COMMD10: variants seen among roughly 807,000 people sequenced by gnomAD.
COMMD10 encodes the protein COMM domain containing 10.
COMMD10 carries 33 observed loss-of-function variants against 28.9 expected under a neutral mutation model. The observed-to-expected ratio is 1.14, with a 90% CI of 0.87 to 1.53. The LOEUF (loss-of-function observed/expected upper bound fraction) is 1.53. Among genes scored for constraint, COMMD10 ranks in the 40% most tolerant of loss-of-function variants. The pLI, the probability that COMMD10 is intolerant of heterozygous loss-of-function variation, is 0.00. For missense variants in COMMD10, 310 were observed against 233.4 expected (o/e 1.33, Z -2.14); for synonymous variants, 110 against 81.7 (o/e 1.35, Z -1.87).
chr5:116,234,352 T>C (rs762686657), intron 5 of COMMD10, among the ~76,000 whole-genome samples: 7 of 152,120 alleles, frequency 4.6e-5, no homozygotes, highest in African/African-American at 7.2e-5. Context: ...AGCTGCCTGT[T>C]TAAAAACAAA....
chr5:116,180,048 C>T (rs1197621221), intron 5 of COMMD10, among the ~76,000 whole-genome samples: 1 of 152,008 alleles, frequency 6.6e-6, no homozygotes, highest in Non-Finnish European at 1.5e-5. Context: ...GATTATTACT[C>T]AGTATTAAAG....
At chr5:116,195,884 A>G (rs889784263) in intron 5 of COMMD10, among the ~76,000 whole-genome samples, 1 of 152,216 alleles carries the variant, frequency 6.6e-6, no homozygotes, top group African/African-American at 2.4e-5. Context: ...CCACAATGCA[A>G]TACCACCTTA....
At chr5:116,122,040 G>T (rs1045864604) in intron 4 of COMMD10, among the ~76,000 whole-genome samples, 1 of 152,096 alleles carries the variant, frequency 6.6e-6, no homozygotes, top group Non-Finnish European at 1.5e-5. Flanking sequence ...TGGTGTTTTA[G>T]ACATGAAGTC....
intron 5 of COMMD10, among the ~76,000 whole-genome samples, chr5:116,249,373 T>A (rs2112671817): frequency 1.3e-5 from 2 of 152,036 alleles, no homozygotes; most frequent in South Asian, 4.1e-4. Context: ...AAAATCCAGT[T>A]TCGTAGAGCT....
Position 116,258,381 on chromosome 5 carries a change from T to C in COMMD10, c.511-33136T>C. Among the ~76,000 whole-genome samples the C allele has an allele frequency of 1.3e-5, 2 of 151,730 alleles. 1 individual carries two copies. Among genetic ancestry groups the C allele is most frequent in the African/African-American group, 4.9e-5 (2 of 41,120 alleles). On this transcript the variant is annotated intron_variant, in intron 5 of 6. Coordinates refer to ENST00000274458, the MANE Select transcript of COMMD10 (RefSeq NM_016144.4). The stretch of plus-strand genomic sequence containing the variant: ...TTTAAAATTATGCATAAATAATTAT[T>C]TAAATTTAGCTTCCTACTTTTTGGA...
intron 4 of COMMD10, among the ~76,000 whole-genome samples, chr5:116,130,369 A>G (rs1751824118): frequency 6.6e-6 from 1 of 151,960 alleles, no homozygotes. Flanking sequence ...AAGTGAGGCA[A>G]GTAGTGACAC....
chr5:116,210,348 G>T (rs572679820), intron 5 of COMMD10, among the ~76,000 whole-genome samples: 1 of 151,114 alleles, frequency 6.6e-6, no homozygotes, highest in South Asian at 2.1e-4. Flanking sequence ...ATATATACAC[G>T]CAAGCACACA....
chr5:116,107,295 C>G (rs1750872511), intron 4 of COMMD10, among the ~76,000 whole-genome samples: 2 of 152,094 alleles, frequency 1.3e-5, no homozygotes, highest in African/African-American at 2.4e-5. Context: ...TCCATTCTCC[C>G]CATCACTTTG....
chr5:116,206,976 C>A (rs1228294540), intron 5 of COMMD10, among the ~76,000 whole-genome samples: 1 of 133,338 alleles, frequency 7.5e-6, no homozygotes, highest in Non-Finnish European at 1.5e-5. Flanking sequence ...TTCAAAGATA[C>A]ATTCTAATTT....
At position 116,087,695 on chromosome 5, in the gene COMMD10, T is replaced by G. The variant is rs956704680; in HGVS notation, c.132+108T>G. On this transcript the variant is annotated intron_variant, in intron 2 of 6. Coordinates refer to ENST00000274458, the MANE Select transcript of COMMD10 (RefSeq NM_016144.4). The stretch of plus-strand genomic sequence containing the variant: ...AGCATAGTGTTCTCCAATATGTTCT[T>G]AGAGACACTGGTTCTGTGGAAGATT... 16 of 716,620 alleles carry G rather than the reference T, an allele frequency of 2.2e-5. No individual in the cohort carries two copies. In the African/African-American group the frequency reaches 2.6e-4, roughly 12 times the overall value. 44.4% of individuals were successfully genotyped at this position (716,620 alleles called of 1,614,324 possible).
At chr5:116,149,167 C>T (rs1390893247) in intron 5 of COMMD10, among the ~76,000 whole-genome samples, 2 of 138,492 alleles carry the variant, frequency 1.4e-5, no homozygotes, top group East Asian at 4.0e-4. Flanking sequence ...CATCCATGTC[C>T]CTACAAAGGA....
Position 116,092,585 on chromosome 5 carries a change from A to T in COMMD10, c.284A>T (p.Gln95Leu). 6.2e-7 allele frequency: 1 copy of T among 1,610,938 alleles called. No individual in the cohort carries two copies. Among genetic ancestry groups the T allele is most frequent in the Non-Finnish European group, 8.5e-7 (1 of 1,178,552 alleles). Reference protein sequence around the residue: ...HNVKPAALQQQLENIHLRQDK... With the variant: ...HNVKPAALQQLLENIHLRQDK... ...GTGAAGCCAGCAGCTTTGCAGCAGC[A>T]ATTAGAGAACATTCATCTTAGACAA... The change falls in exon 4 of 7, where the codon CAA becomes CTA. Residue 95 changes from glutamine to leucine, a missense_variant. By Grantham distance (113) the Gln-to-Leu change is moderately radical. Coordinates refer to ENST00000274458, the MANE Select transcript of COMMD10 (RefSeq NM_016144.4).
chr5:116,174,260 G>A (rs1273067125), intron 5 of COMMD10, among the ~76,000 whole-genome samples: 1 of 152,124 alleles, frequency 6.6e-6, no homozygotes, highest in African/African-American at 2.4e-5. Context: ...AAGTGTGCTT[G>A]CTAAATTCCC....
chr5:116,113,531 A>G (rs1751130328), intron 4 of COMMD10, among the ~76,000 whole-genome samples: 1 of 151,918 alleles, frequency 6.6e-6, no homozygotes, highest in Non-Finnish European at 1.5e-5. Flanking sequence ...ACTGTTTGAA[A>G]AGACCTGTCT....
In COMMD10 at chr5:116,088,340, T is replaced by C. The variant is rs1480223181; in HGVS notation, c.132+753T>C. Among the ~76,000 whole-genome samples the C allele has an allele frequency of 2.0e-5, 3 of 152,256 alleles. No individual in the cohort carries two copies. The South Asian group carries it at 6.2e-4, about 32-fold the overall frequency. ...TTCTCACAATTCTAGGTCAAATCTT[T>C]AGTACCTCTTTTTTAGATGACAATA... On this transcript the variant is annotated intron_variant, in intron 2 of 6. Coordinates refer to ENST00000274458, the MANE Select transcript of COMMD10 (RefSeq NM_016144.4).
chr5:116,120,508 A>G (rs945401973), intron 4 of COMMD10, among the ~76,000 whole-genome samples: 1 of 151,970 alleles, frequency 6.6e-6, no homozygotes, highest in Non-Finnish European at 1.5e-5. Flanking sequence ...AAATAAAATT[A>G]AAAAAAATTT....
chr5:116,221,210 C>T (rs983680274), intron 5 of COMMD10, among the ~76,000 whole-genome samples: 11 of 151,784 alleles, frequency 7.2e-5, no homozygotes, highest in Admixed American at 6.6e-5. Context: ...CAAATGCACT[C>T]GGTATCTTCA....
chr5:116,199,295 T>C (rs1388034648), intron 5 of COMMD10, among the ~76,000 whole-genome samples: 2 of 152,168 alleles, frequency 1.3e-5, no homozygotes, highest in African/African-American at 2.4e-5. Context: ...TGGCTCACTT[T>C]TAAGCTGTGT....
Position 116,244,156 on chromosome 5 carries a change from T to TAAGAAA in COMMD10, c.511-47359_511-47358insGAAAAA, listed in dbSNP as rs1561388930. On this transcript the variant is annotated intron_variant, in intron 5 of 6. Transcript: ENST00000274458. Reference sequence around the variant, plus strand: ...GAAATGGATATCACAGCTTTTTTCTTAAAGAAAATATAGGTTGAGGTAGGG... The same window carrying TAAGAAA: ...GAAATGGATATCACAGCTTTTTTCTTAAGAAAAAAGAAAATATAGGTTGAGGTAGGG... 2.3e-4 allele frequency among the ~76,000 whole-genome samples: 28 copies of TAAGAAA among 124,222 alleles called. 1 individual carries two copies. The highest frequency in any genetic ancestry group is 2.8e-4 in the Non-Finnish European group (18 of 64,062). The allele number at this position is 124,222 out of a possible 152,430, so 81.5% of individuals were successfully genotyped here.
Sources: gnomAD v4.1 joint callset for allele counts (sites outside exome capture counted in the v4.1 genomes callset) on GRCh38, gnomAD v4.1.1 for gene constraint, MANE v1.5 for transcripts, NCBI Gene and HGNC (gene_info 2026-07-23, HGNC 2026-07-21) for gene names.